The following MAP2K4 variants were observed in gnomAD, a reference collection of about 807,000 sequenced individuals.
MAP2K4 encodes the protein mitogen-activated protein kinase kinase 4, also known as dual specificity mitogen-activated protein kinase kinase 4.
Under a neutral mutation model 48.5 loss-of-function variants are expected in MAP2K4, and 4 were observed. The observed-to-expected ratio is 0.08, with a 90% confidence interval of 0.04 to 0.19. The LOEUF (loss-of-function observed/expected upper bound fraction) is 0.19. Ranked by LOEUF, MAP2K4 falls within the 10% of genes least tolerant of loss-of-function variation. The pLI is 1.00. For missense variants in MAP2K4, 258 were observed against 493.3 expected, an observed-to-expected ratio of 0.52 and a Z score of 4.52; for synonymous variants, 166 against 173.1, an observed-to-expected ratio of 0.96 and a Z score of 0.32.
At chr17:12,059,325 A>G (rs951912622) in intron 2 of MAP2K4, among the ~76,000 whole-genome samples, 2 of 152,232 alleles carry the variant, frequency 1.3e-5, no homozygotes, top group African/African-American at 4.8e-5. Flanking sequence ...ATTCTTATAA[A>G]TGTGGCCAGC....
intron 1 of MAP2K4, among the ~76,000 whole-genome samples, chr17:12,035,318 G>A (rs1273821111): frequency 6.6e-6 from 1 of 152,130 alleles, no homozygotes; most frequent in African/African-American, 2.4e-5. Flanking sequence ...GGGAGTTCAA[G>A]ACCAGCCAGA....
intron 1 of MAP2K4, among the ~76,000 whole-genome samples, chr17:12,034,712 C>T (rs1470264000): frequency 6.6e-6 from 1 of 152,206 alleles, no homozygotes; most frequent in African/African-American, 2.4e-5. Flanking sequence ...ATGTTACATA[C>T]TAATTGATTT....
chr17:12,072,919 A>G (rs1330111153), intron 2 of MAP2K4, among the ~76,000 whole-genome samples: 1 of 152,224 alleles, frequency 6.6e-6, no homozygotes, highest in Non-Finnish European at 1.5e-5. Flanking sequence ...GAATTAGCTA[A>G]CAGATCACAA....
intron 6 of MAP2K4, chr17:12,112,906 A>G (rs918223509): frequency 6.1e-6 from 1 of 164,954 alleles, no homozygotes; most frequent in Non-Finnish European, 1.3e-5. Context: ...CTCATTTTCA[A>G]TAGAAGAAAA....
chr17:12,028,903 GT>G (rs1188478122), intron 1 of MAP2K4, among the ~76,000 whole-genome samples: 1 of 152,098 alleles, frequency 6.6e-6, no homozygotes, highest in Non-Finnish European at 1.5e-5. Context: ...TAGGCACACT[GT>G]TTTCAAACCC....
intron 9 of MAP2K4, 102 bp from the exon 10 acceptor site, chr17:12,139,737 G>T: frequency 2.5e-6 from 2 of 802,252 alleles, no homozygotes; most frequent in Non-Finnish European, 4.0e-6. Context: ...TGGATCTGAA[G>T]GAAAGAACTA....
chr17:12,118,487 T>C (rs1196169998), intron 7 of MAP2K4, among the ~76,000 whole-genome samples: 1 of 152,172 alleles, frequency 6.6e-6, no homozygotes, highest in Non-Finnish European at 1.5e-5. Flanking sequence ...TCATAAACAT[T>C]TTGTACCAGT....
At chr17:12,096,068 C>G (rs1209535547) in intron 4 of MAP2K4, among the ~76,000 whole-genome samples, 1 of 7,262 alleles carries the variant, frequency 1.4e-4, no homozygotes, top group East Asian at 8.2e-3. Flanking sequence ...AGCAACGCCT[C>G]CCCCCCCCCC....
intron 7 of MAP2K4, among the ~76,000 whole-genome samples, chr17:12,121,896 T>C (rs1355242434): frequency 1.3e-5 from 2 of 152,210 alleles, no homozygotes; most frequent in African/African-American, 4.8e-5. Flanking sequence ...TAGAAAGTGG[T>C]ATGTTTCTTT....
intron 4 of MAP2K4, among the ~76,000 whole-genome samples, chr17:12,107,275 T>G (rs570228444): frequency 6.6e-6 from 1 of 151,976 alleles, no homozygotes; most frequent in South Asian, 2.1e-4. Flanking sequence ...GAGTGCCTGA[T>G]GGGATGACTT....
intron 7 of MAP2K4, among the ~76,000 whole-genome samples, chr17:12,115,209 G>A (rs900738585): frequency 5.9e-5 from 9 of 152,146 alleles, no homozygotes; most frequent in Admixed American, 1.3e-4. Flanking sequence ...CCTGTAAACC[G>A]ATTTCTTGTA....
chr17:12,052,602 C>T (rs148717588), intron 1 of MAP2K4, among the ~76,000 whole-genome samples: 52 of 152,170 alleles, frequency 3.4e-4, no homozygotes, highest in Non-Finnish European at 6.6e-4. Context: ...GTTCTTTGTT[C>T]TGTCCTTGTC....
chr17:12,125,341 C>T lies in MAP2K4; in HGVS notation c.861C>T (p.Arg287=), dbSNP rs2151587800. The T allele has an allele frequency of 6.2e-7, 1 of 1,614,056 alleles. No individual in the cohort carries two copies. Among genetic ancestry groups the T allele is most frequent in the Non-Finnish European group, 8.5e-7 (1 of 1,179,968 alleles). ...CATCACGACAAGGATATGATGTCCG[C>T]TCTGATGTCTGGAGTTTGGGGATCA... ...PSASRQGYDV[R]SDVWSLGITL... Residue 287 remains arginine (R), a synonymous_variant, in exon 8 of 11, where the codon CGC becomes CGT. Coordinates refer to ENST00000353533, the MANE Select transcript of MAP2K4 (RefSeq NM_003010.4).
At chr17:12,057,257 A>T (rs1306722620) in intron 2 of MAP2K4, among the ~76,000 whole-genome samples, 1 of 152,188 alleles carries the variant, frequency 6.6e-6, no homozygotes, top group Non-Finnish European at 1.5e-5. Flanking sequence ...TAGAAAACCT[A>T]CTTGATTAAA....
intron 7 of MAP2K4, among the ~76,000 whole-genome samples, chr17:12,122,823 T>G (rs531129570): frequency 6.6e-6 from 1 of 152,314 alleles, no homozygotes; most frequent in African/African-American, 2.4e-5. Flanking sequence ...TCTTAGTGTG[T>G]TGTTATTTCT....
intron 1 of MAP2K4, among the ~76,000 whole-genome samples, chr17:12,052,035 G>T (rs531306694): frequency 6.6e-6 from 1 of 152,072 alleles, no homozygotes; most frequent in South Asian, 2.1e-4. Context: ...ACATTTTGGG[G>T]CCTTCCTTTT....
intron 1 of MAP2K4, among the ~76,000 whole-genome samples, chr17:12,053,233 A>ATTCTGGTAGAAT (rs1970195294): frequency 2.6e-5 from 4 of 152,074 alleles, no homozygotes; most frequent in Non-Finnish European, 4.4e-5. Context: ...TTCTACCAGC[A>ATTCTGGTAGAAT]ATATATCTTA....
chr17:12,090,539 C>T (rs1446712574), intron 3 of MAP2K4, among the ~76,000 whole-genome samples: 1 of 152,138 alleles, frequency 6.6e-6, no homozygotes, highest in East Asian at 1.9e-4. Context: ...TCTGCAACTC[C>T]ATCCTTAGCC....
At chr17:12,066,957 G>A (rs531599363) in intron 2 of MAP2K4, among the ~76,000 whole-genome samples, 3 of 152,276 alleles carry the variant, frequency 2.0e-5, no homozygotes, top group South Asian at 2.1e-4. Context: ...GATTACAGGC[G>A]TGAGCCACCG....
Sources: allele counts gnomAD v4.1 joint callset (sites outside exome capture counted in the v4.1 genomes callset), GRCh38; gene constraint gnomAD v4.1.1; transcripts MANE v1.5; gene names NCBI Gene and HGNC (gene_info 2026-07-23, HGNC 2026-07-21).